IL1RAPL1: variants seen among roughly 807,000 people sequenced by gnomAD.
IL1RAPL1 encodes interleukin-1 receptor accessory protein-like 1.
A neutral mutation model predicts 48.4 loss-of-function variants in IL1RAPL1; 3 were observed. That is an observed-to-expected ratio of 0.06 (90% CI 0.03 to 0.16). The LOEUF is 0.16. Among genes scored for constraint, IL1RAPL1 ranks in the 10% least tolerant of loss-of-function variants. IL1RAPL1 has a pLI of 1.00. For synonymous variants in IL1RAPL1, 185 were observed against 187.7 expected, an observed-to-expected ratio of 0.99 and a Z score of 0.12; for missense variants, 349 against 530.6, an observed-to-expected ratio of 0.66 and a Z score of 3.36.
chrX:28,863,009 T>A (rs980351423), intron 2 of IL1RAPL1, among the ~76,000 whole-genome samples: 4 of 110,638 alleles, frequency 3.6e-5, no homozygotes, highest in Non-Finnish European at 7.6e-5. Flanking sequence ...GCTTCCCAAG[T>A]AACTGGGATT....
At chrX:29,633,899 T>C (rs1030751014) in intron 5 of IL1RAPL1, among the ~76,000 whole-genome samples, 6 of 111,800 alleles carry the variant, frequency 5.4e-5, no homozygotes, top group Non-Finnish European at 7.5e-5. Context: ...AACTTAATTA[T>C]ATCCACAAGG....
intron 1 of IL1RAPL1, among the ~76,000 whole-genome samples, chrX:28,651,178 A>G (rs1478788610): frequency 1.8e-5 from 2 of 112,442 alleles, no homozygotes; most frequent in Non-Finnish European, 3.8e-5. Context: ...ATATCTCTCT[A>G]TGTAAATGCA....
chrX:29,926,209 A>C (rs1406945598), intron 8 of IL1RAPL1, among the ~76,000 whole-genome samples: 1 of 112,262 alleles, frequency 8.9e-6, no homozygotes, highest in African/African-American at 3.2e-5. Flanking sequence ...CATTTTGGTC[A>C]CACAGTTTTC....
At chrX:29,610,221 CAATG>C (rs1924044173) in intron 5 of IL1RAPL1, among the ~76,000 whole-genome samples, 1 of 111,342 alleles carries the variant, frequency 9.0e-6, no homozygotes. Flanking sequence ...CAGAGCCTGA[CAATG>C]AGAGAGAATA....
chrX:29,296,560 T>A (rs1403057739), intron 3 of IL1RAPL1, among the ~76,000 whole-genome samples: 2 of 109,633 alleles, frequency 1.8e-5, no homozygotes, highest in African/African-American at 3.3e-5. Flanking sequence ...CCTTTACCAT[T>A]TTTGAAAGTA....
rs757667966 is a variant in IL1RAPL1 at position 29,955,078 on chromosome X, G to C, written c.1373-24G>C. ...ACCAAATTTTCCATTCACTCATTTT[G>C]ATGCACTCTTTTATCTTTTGTAGCA... On this transcript the variant is annotated intron_variant, in intron 10 of 10. Coordinates refer to ENST00000378993, the MANE Select transcript of IL1RAPL1 (RefSeq NM_014271.4). 4.1e-5 allele frequency: 48 copies of C among 1,161,491 alleles called. No homozygotes were observed. In the South Asian group the frequency reaches 7.5e-4, roughly 18 times the overall value.
chrX:29,933,483 A>C (rs1327836009), intron 8 of IL1RAPL1, among the ~76,000 whole-genome samples: 1 of 111,053 alleles, frequency 9.0e-6, no homozygotes, highest in African/African-American at 3.3e-5. Flanking sequence ...GACTAGATAC[A>C]CAGACATATT....
intron 2 of IL1RAPL1, among the ~76,000 whole-genome samples, chrX:29,178,344 G>A (rs2147518560): frequency 8.9e-6 from 1 of 112,385 alleles, no homozygotes; most frequent in South Asian, 3.7e-4. Context: ...GTGATGACCA[G>A]TGATGATGAG....
intron 2 of IL1RAPL1, among the ~76,000 whole-genome samples, chrX:28,867,021 T>G (rs994128167): frequency 4.5e-5 from 5 of 111,252 alleles, no homozygotes; most frequent in African/African-American, 1.6e-4. Context: ...AATATGAGAG[T>G]TGAAGAAGGG....
chrX:29,816,978 G>A (rs867640080), intron 6 of IL1RAPL1, among the ~76,000 whole-genome samples: 1 of 104,610 alleles, frequency 9.6e-6, no homozygotes, highest in Non-Finnish European at 2.0e-5. Context: ...TTATGTGTGT[G>A]TATATATATA....
chrX:29,899,221 T>TTGGGAACTC (rs1932450274), intron 6 of IL1RAPL1, among the ~76,000 whole-genome samples: 1 of 110,737 alleles, frequency 9.0e-6, no homozygotes, highest in African/African-American at 3.3e-5. Flanking sequence ...GAAAGTCAGA[T>TTGGGAACTC]TGGGAACTCC....
intron 6 of IL1RAPL1, among the ~76,000 whole-genome samples, chrX:29,834,833 A>G (rs1024984053): frequency 8.9e-6 from 1 of 111,796 alleles, no homozygotes; most frequent in Non-Finnish European, 1.9e-5. Context: ...TTCATTTTAT[A>G]TGCTGGGTTA....
At chrX:29,405,888 A>G (rs56275703) in intron 5 of IL1RAPL1, among the ~76,000 whole-genome samples, 39,504 of 107,338 alleles carry the variant, frequency 0.37, 6,390 homozygotes, top group Middle Eastern at 0.55. Flanking sequence ...CCGATTATAC[A>G]TATATTATGC....
In IL1RAPL1 at chrX:29,945,838, T is replaced by C. The variant is rs900548216; in HGVS notation, c.1201+4044T>C. On this transcript the variant is annotated intron_variant, in intron 9 of 10. Transcript: ENST00000378993. ...GAAGGATTCTAATATTTTTTAAAGA[T>C]AGAACATATTGATGCTTTTCTCTCT... 1.1e-4 allele frequency among the ~76,000 whole-genome samples: 12 copies of C among 111,946 alleles called. 1 individual carries two copies. The highest frequency in any genetic ancestry group is 9.5e-4 in the Admixed American group (10 of 10,579).
intron 2 of IL1RAPL1, among the ~76,000 whole-genome samples, chrX:28,979,049 A>G (rs1465544061): frequency 1.8e-5 from 2 of 111,932 alleles, no homozygotes; most frequent in Non-Finnish European, 3.8e-5. Context: ...TCGTATGACC[A>G]CAGAACCAAG....
intron 2 of IL1RAPL1, among the ~76,000 whole-genome samples, chrX:28,946,182 G>T (rs1002295625): frequency 1.8e-5 from 2 of 109,597 alleles, no homozygotes; most frequent in South Asian, 7.7e-4. Flanking sequence ...TGTATCTGAC[G>T]CAAAAATAAA....
chrX:28,711,645 T>G (rs1201036476), intron 1 of IL1RAPL1, among the ~76,000 whole-genome samples: 1 of 109,394 alleles, frequency 9.1e-6, no homozygotes, highest in East Asian at 2.8e-4. Flanking sequence ...TATACCATAT[T>G]GATGATTATT....
At chrX:29,684,061 C>G (rs1288520631) in intron 6 of IL1RAPL1, among the ~76,000 whole-genome samples, 1 of 112,000 alleles carries the variant, frequency 8.9e-6, no homozygotes, top group Non-Finnish European at 1.9e-5. Flanking sequence ...CCCTATTCTC[C>G]ATGATGTGCA....
intron 2 of IL1RAPL1, among the ~76,000 whole-genome samples, chrX:29,205,332 G>A (rs965383868): frequency 5.4e-5 from 6 of 111,622 alleles, no homozygotes; most frequent in Non-Finnish European, 7.5e-5. Flanking sequence ...TCAAACATTC[G>A]AATTAAAGAA....
Sources: gnomAD v4.1 joint callset for allele counts (sites outside exome capture counted in the v4.1 genomes callset) on GRCh38, gnomAD v4.1.1 for gene constraint, MANE v1.5 for transcripts, NCBI Gene and HGNC (gene_info 2026-07-23, HGNC 2026-07-21) for gene names.